The following KCNAB1 variants were observed in gnomAD, a reference collection of about 807,000 sequenced individuals.
KCNAB1 encodes the protein voltage-gated potassium channel subunit beta-1.
Under a neutral mutation model 64.6 loss-of-function variants are expected in KCNAB1, and 35 were observed. That is an observed-to-expected ratio of 0.54 (90% CI 0.41 to 0.72). The LOEUF (loss-of-function observed/expected upper bound fraction) is 0.72. Ranked by LOEUF, KCNAB1 falls within the 30% of genes least tolerant of loss-of-function variation. KCNAB1 has a pLI of 0.00. For synonymous variants in KCNAB1, 177 were observed against 183.8 expected (o/e 0.96, Z 0.30); for missense variants, 401 against 512.9 (o/e 0.78, Z 2.11).
At chr3:156,134,176 C>T (rs941616913) in intron 1 of KCNAB1, among the ~76,000 whole-genome samples, 2 of 152,182 alleles carry the variant, frequency 1.3e-5, no homozygotes, top group Non-Finnish European at 2.9e-5. Context: ...AGCTATTGTG[C>T]TATGTTAAAA....
intron 1 of KCNAB1, among the ~76,000 whole-genome samples, chr3:156,260,305 A>G (rs1172429211): frequency 1.3e-5 from 2 of 152,212 alleles, no homozygotes; most frequent in Admixed American, 1.3e-4. Flanking sequence ...AATTCACTCA[A>G]AATAAATGTA....
chr3:156,245,668 A>G (rs1345410909), intron 1 of KCNAB1, among the ~76,000 whole-genome samples: 1 of 152,220 alleles, frequency 6.6e-6, no homozygotes, highest in African/African-American at 2.4e-5. Context: ...TGAAAGCTGA[A>G]TGACTGGAAA....
chr3:156,463,615 C>A (rs936600326), intron 5 of KCNAB1, 87 bp from the exon 6 acceptor site: 3 of 1,050,506 alleles, frequency 2.9e-6, no homozygotes, highest in African/African-American at 1.7e-5. Flanking sequence ...ATAACAAATT[C>A]TTTCTGGTGC....
rs570838095 is a variant in KCNAB1, at chr3:156,519,926, T to G, written c.960+3562T>G. Among the ~76,000 whole-genome samples, 9 of 152,338 alleles carry G rather than the reference T, an allele frequency of 5.9e-5. No homozygotes were observed. The East Asian group carries it at 1.7e-3, about 29-fold the overall frequency. ...GACAGTGGCCAAAAGGGTAAGGTAC[T>G]GTGATCAGCTCAGGTTGTGCACCAT... On this transcript the variant is annotated intron_variant, in intron 11 of 13. Transcript: ENST00000490337.
intron 7 of KCNAB1, among the ~76,000 whole-genome samples, chr3:156,466,555 T>A (rs1202647287): frequency 1.3e-5 from 2 of 151,932 alleles, no homozygotes; most frequent in Non-Finnish European, 2.9e-5. Flanking sequence ...GGGGTACGAG[T>A]AGTTTTTGGT....
At chr3:156,474,869 G>T in intron 8 of KCNAB1, 49 bp downstream of exon 8, 1 of 1,346,740 alleles carries the variant, frequency 7.4e-7, no homozygotes, top group South Asian at 1.2e-5. Context: ...GATTCAGTTT[G>T]AGGGCTTATT....
At chr3:156,425,873 G>A (rs757293118) in intron 2 of KCNAB1, among the ~76,000 whole-genome samples, 3 of 152,142 alleles carry the variant, frequency 2.0e-5, no homozygotes, top group Non-Finnish European at 2.9e-5. Context: ...TAGCTTGATG[G>A]GGGAACAAGG....
At chr3:156,171,653 T>TCCAATGCGAA (rs1398713616) in intron 1 of KCNAB1, among the ~76,000 whole-genome samples, 5 of 152,058 alleles carry the variant, frequency 3.3e-5, no homozygotes, top group African/African-American at 1.2e-4. Flanking sequence ...CAAGAAAGAG[T>TCCAATGCGAA]CCAATGCGAA....
chr3:156,491,389 A>G (rs952656516), intron 8 of KCNAB1, among the ~76,000 whole-genome samples: 3 of 152,108 alleles, frequency 2.0e-5, no homozygotes, highest in Admixed American at 1.3e-4. Flanking sequence ...CCATGTGGAA[A>G]ACTGTACTGA....
At chr3:156,525,757 G>A (rs975629941) in intron 12 of KCNAB1, among the ~76,000 whole-genome samples, 21 of 152,168 alleles carry the variant, frequency 1.4e-4, no homozygotes, top group Admixed American at 4.6e-4. Flanking sequence ...CTCGTGATCC[G>A]CCTGCCTTGG....
chr3:156,162,466 C>T (rs1716137928), intron 1 of KCNAB1, among the ~76,000 whole-genome samples: 1 of 152,132 alleles, frequency 6.6e-6, no homozygotes, highest in South Asian at 2.1e-4. Context: ...AGTCTCCTTA[C>T]TCCTGATGGT....
intron 1 of KCNAB1, among the ~76,000 whole-genome samples, chr3:156,255,031 A>G (rs1466318039): frequency 4.6e-5 from 7 of 152,178 alleles, no homozygotes; most frequent in Non-Finnish European, 1.0e-4. Context: ...CGAGTTGACT[A>G]TGTGGGTGAC....
intron 1 of KCNAB1, among the ~76,000 whole-genome samples, chr3:156,407,290 C>T (rs1400434766): frequency 6.6e-6 from 1 of 152,186 alleles, no homozygotes; most frequent in African/African-American, 2.4e-5. Context: ...CAAGGTATTT[C>T]CAAGGCTGGT....
rs1713581372 is a variant in KCNAB1 at position 156,191,756 on chromosome 3, T to G, written c.275+70870T>G. ...CTGCCAGCTACTGATGACATTTGCTTTTGCCGCATTTTTACCCCTCAATTT... is the reference window on the plus strand; with the variant it reads ...CTGCCAGCTACTGATGACATTTGCTGTTGCCGCATTTTTACCCCTCAATTT... On this transcript the variant is annotated intron_variant, in intron 1 of 13. Transcript: ENST00000490337. 2.0e-5 allele frequency among the ~76,000 whole-genome samples: 3 copies of G among 152,310 alleles called. No individual in the cohort carries two copies. The South Asian group carries it at 6.2e-4, about 32-fold the overall frequency.
intron 2 of KCNAB1, among the ~76,000 whole-genome samples, chr3:156,444,699 G>A (rs1255625916): frequency 2.6e-5 from 4 of 152,160 alleles, no homozygotes; most frequent in East Asian, 1.9e-4. Context: ...ACATCCCAGC[G>A]CCATCATGGG....
intron 1 of KCNAB1, among the ~76,000 whole-genome samples, chr3:156,136,998 C>T (rs569812957): frequency 6.6e-6 from 1 of 152,190 alleles, no homozygotes; most frequent in East Asian, 1.9e-4. Context: ...GATGTAGTCA[C>T]CAATAAATAC....
At chr3:156,324,492 C>T (rs532446125) in intron 1 of KCNAB1, among the ~76,000 whole-genome samples, 39 of 152,112 alleles carry the variant, frequency 2.6e-4, no homozygotes, top group African/African-American at 8.4e-4. Context: ...TCAGAGGACA[C>T]CTCATTTATT....
chr3:156,176,829 A>T (rs541179862), intron 1 of KCNAB1: 1 of 964,478 alleles, frequency 1.0e-6, no homozygotes. Flanking sequence ...CGATCCCGCC[A>T]CTCCCAACAG....
chr3:156,419,792 G>A (rs1444081029), intron 1 of KCNAB1, among the ~76,000 whole-genome samples: 2 of 152,154 alleles, frequency 1.3e-5, no homozygotes, highest in South Asian at 2.1e-4. Flanking sequence ...TGGACTCTAA[G>A]CTCCTTGAGG....
Sources: allele counts gnomAD v4.1 joint callset (sites outside exome capture counted in the v4.1 genomes callset), GRCh38; gene constraint gnomAD v4.1.1; transcripts MANE v1.5; gene names NCBI Gene and HGNC (gene_info 2026-07-23, HGNC 2026-07-21).